The following OTOGL variants were observed in gnomAD, a reference collection of about 807,000 sequenced individuals.
OTOGL encodes otogelin like, also known as otogelin-like protein.
OTOGL carries 285 observed loss-of-function variants against 318.5 expected under a neutral mutation model. The ratio of observed to expected loss-of-function variants is 0.89; its 90% CI spans 0.81 to 0.99. The LOEUF (loss-of-function observed/expected upper bound fraction) is 0.99, where lower values mean the gene tolerates loss of function less well. Among genes scored for constraint, OTOGL ranks in the 50% least tolerant of loss-of-function variants. The pLI is 0.00. For synonymous variants in OTOGL, 987 were observed against 936.5 expected (o/e 1.05, Z -0.99); for missense variants, 2,899 against 2,845.6 (o/e 1.02, Z -0.43).
At chr12:80,125,744 A>G (rs1870788802) in intron 1 of OTOGL, among the ~76,000 whole-genome samples, 1 of 152,004 alleles carries the variant, frequency 6.6e-6, no homozygotes, top group African/African-American at 2.4e-5. Flanking sequence ...CAGAGATTCA[A>G]CTTCTTCCTG....
intron 1 of OTOGL, among the ~76,000 whole-genome samples, chr12:80,158,668 G>A (rs1873290286): frequency 6.6e-6 from 1 of 151,936 alleles, no homozygotes; most frequent in Admixed American, 6.6e-5. Context: ...CTGCTGATTT[G>A]TGTACATTAA....
intron 29 of OTOGL, among the ~76,000 whole-genome samples, chr12:80,307,152 G>C (rs1239795689): frequency 6.6e-6 from 1 of 150,588 alleles, no homozygotes; most frequent in Non-Finnish European, 1.5e-5. Flanking sequence ...AGGATCCCAA[G>C]GCAGAAGAAT....
At chr12:80,285,649 G>A (rs909174838) in intron 26 of OTOGL, among the ~76,000 whole-genome samples, 5 of 152,028 alleles carry the variant, frequency 3.3e-5, no homozygotes, top group African/African-American at 4.8e-5. Flanking sequence ...TTATGAATGG[G>A]AGTCCACTCA....
In OTOGL at chr12:80,255,075, A is replaced by G. The variant is rs759427411; in HGVS notation, c.1477A>G (p.Thr493Ala). 6.6e-7 allele frequency: 1 copy of G among 1,518,992 alleles called. No homozygotes were observed. The highest frequency in any genetic ancestry group is 1.4e-5 in the African/African-American group (1 of 71,030). The allele number at this position is 1,518,992 out of a possible 1,614,324, so 94.1% of individuals were successfully genotyped here. ...CSVVGDSHFTTFDGRHYSFIG... is the reference protein window; with the variant it reads ...CSVVGDSHFTAFDGRHYSFIG... ...AGTTGTAGGTGATTCTCACTTTACA[A>G]CTTTTGATGGTCGACATTATTCTTT... Residue 493 changes from threonine to alanine, a missense_variant, in exon 16 of 59, where the codon ACT (threonine) becomes GCT (alanine). Thr to Ala is a moderately conservative substitution (Grantham distance 58). This residue lies in a region of OTOGL where 2,607 missense variants were observed against 2,524.9 expected (regional missense o/e 1.03). Transcript: ENST00000547103.
chr12:80,283,817 A>C (rs1204412125), intron 26 of OTOGL, among the ~76,000 whole-genome samples: 2 of 152,002 alleles, frequency 1.3e-5, no homozygotes, highest in African/African-American at 2.4e-5. Context: ...TAAAATATGA[A>C]TTCTGTTTTC....
chr12:80,122,499 A>AG (rs1378242136), intron 1 of OTOGL, among the ~76,000 whole-genome samples: 2 of 152,198 alleles, frequency 1.3e-5, no homozygotes, highest in African/African-American at 4.8e-5. Context: ...AGAAATGAAG[A>AG]GGAAAACTCT....
intron 8 of OTOGL, 136 bp downstream of exon 8, chr12:80,229,514 A>C: frequency 1.6e-6 from 2 of 1,238,734 alleles, no homozygotes; most frequent in East Asian, 5.1e-5. Context: ...TATAACATAC[A>C]GACATCAAAA....
intron 7 of OTOGL, among the ~76,000 whole-genome samples, chr12:80,226,177 A>AACAC (rs35975748): frequency 0.19 from 25,722 of 132,680 alleles, 2,572 homozygotes; most frequent in South Asian, 0.29. Flanking sequence ...TCCTGCTCCT[A>AACAC]ACACACACAC....
intron 8 of OTOGL, among the ~76,000 whole-genome samples, chr12:80,229,874 G>A (rs1879210941): frequency 1.3e-5 from 2 of 152,136 alleles, no homozygotes; most frequent in South Asian, 4.1e-4. Context: ...GACAGACTGA[G>A]AGCCAACAAC....
rs199959213 is a variant in OTOGL, at chr12:80,291,638, C to T, written c.2929-5189C>T. Among the ~76,000 whole-genome samples the T allele has an allele frequency of 6.6e-5, 10 of 152,322 alleles. No individual in the cohort carries two copies. In the East Asian group the frequency reaches 1.2e-3, roughly 18 times the overall value. On this transcript the variant is annotated intron_variant, in intron 26 of 58. Transcript: ENST00000547103. Reference sequence around the variant, plus strand: ...AAACAAGGTGTCAGGCCAGTCTGTACGAGAGGCTTTGGTCAGCTCTATAAT... The same window carrying T: ...AAACAAGGTGTCAGGCCAGTCTGTATGAGAGGCTTTGGTCAGCTCTATAAT...
At chr12:80,325,554 C>T (rs1459325163) in intron 35 of OTOGL, among the ~76,000 whole-genome samples, 1 of 152,118 alleles carries the variant, frequency 6.6e-6, no homozygotes, top group Non-Finnish European at 1.5e-5. Flanking sequence ...ACTGCTACAC[C>T]CTGTTGTTTG....
chr12:80,142,621 C>T lies in OTOGL; in HGVS notation c.-20+43016C>T, dbSNP rs140932836. Among the ~76,000 whole-genome samples the T allele has an allele frequency of 5.3e-5, 8 of 152,202 alleles. No individual in the cohort carries two copies. In the East Asian group the frequency reaches 7.7e-4, roughly 15 times the overall value. The stretch of plus-strand genomic sequence containing the variant: ...CCAAGGCCAGGAGATAATGTCTGTC[C>T]CTCACTGCTTGCAGCCTAGGAAAGC... On this transcript the variant is annotated intron_variant, in intron 1 of 58. Coordinates refer to ENST00000547103, the MANE Select transcript of OTOGL (RefSeq NM_001378609.3).
intron 1 of OTOGL, among the ~76,000 whole-genome samples, chr12:80,188,545 A>AAAT (rs952811334): frequency 1.3e-5 from 2 of 148,948 alleles, no homozygotes; most frequent in African/African-American, 4.9e-5. Flanking sequence ...CTCAAAAAAA[A>AAAT]AATAATAATA....
At chr12:80,138,045 G>A (rs1020592537) in intron 1 of OTOGL, among the ~76,000 whole-genome samples, 1 of 152,058 alleles carries the variant, frequency 6.6e-6, no homozygotes, top group African/African-American at 2.4e-5. Context: ...ATAAATCTGG[G>A]GTTAGACTTT....
intron 36 of OTOGL, 145 bp from the exon 37 acceptor site, chr12:80,328,906 A>T: frequency 9.9e-7 from 1 of 1,012,172 alleles, no homozygotes; most frequent in Non-Finnish European, 1.4e-6. Context: ...ATTACTTTTT[A>T]AATCATGTAG....
chr12:80,156,872 T>G (rs1388435381), intron 1 of OTOGL, among the ~76,000 whole-genome samples: 3 of 152,090 alleles, frequency 2.0e-5, no homozygotes, highest in Non-Finnish European at 2.9e-5. Flanking sequence ...CCAAATCTTG[T>G]CTATTGTGAA....
At chr12:80,330,410 G>T (rs895365597) in intron 37 of OTOGL, among the ~76,000 whole-genome samples, 1 of 152,138 alleles carries the variant, frequency 6.6e-6, no homozygotes, top group Non-Finnish European at 1.5e-5. Flanking sequence ...AGTGAATTTA[G>T]TATAGTTTAA....
At chr12:80,138,978 C>A (rs771847688) in intron 1 of OTOGL, among the ~76,000 whole-genome samples, 1 of 152,150 alleles carries the variant, frequency 6.6e-6, no homozygotes, top group Non-Finnish European at 1.5e-5. Context: ...TTTACTGTGT[C>A]CTTTTGTACT....
At chr12:80,133,191 A>T (rs1260914307) in intron 1 of OTOGL, among the ~76,000 whole-genome samples, 1 of 152,082 alleles carries the variant, frequency 6.6e-6, no homozygotes, top group Non-Finnish European at 1.5e-5. Flanking sequence ...TTGAAAAAAA[A>T]GAGGGCTCAT....
Sources: gnomAD v4.1 joint callset for allele counts (sites outside exome capture counted in the v4.1 genomes callset) on GRCh38, gnomAD v4.1.1 for gene constraint, gnomAD v4.1.1 regional missense constraint, MANE v1.5 for transcripts, NCBI Gene and HGNC (gene_info 2026-07-23, HGNC 2026-07-21) for gene names.